Variants in MTA1 observed in about 807,000 individuals in gnomAD.
The protein encoded by MTA1 is metastasis associated 1.
MTA1 carries 15 observed loss-of-function variants against 97.0 expected under a neutral mutation model. The observed-to-expected ratio is 0.15, with a 90% confidence interval of 0.10 to 0.24. MTA1 has a LOEUF of 0.24. Ranked by LOEUF, MTA1 falls within the 10% of genes least tolerant of loss-of-function variation. MTA1 has a pLI of 1.00. For synonymous variants in MTA1, 435 were observed against 417.5 expected, an observed-to-expected ratio of 1.04 and a Z score of -0.51; for missense variants, 709 against 1,015.1, an observed-to-expected ratio of 0.70 and a Z score of 4.10.
chr14:105,465,293 GCC>G, intron 16 of MTA1, 110 bp downstream of exon 16: 1 of 942,158 alleles, frequency 1.1e-6, no homozygotes, highest in Non-Finnish European at 1.5e-6. Flanking sequence ...CTCCTGGACA[GCC>G]CCCCAGGGCC....
chr14:105,467,180 G>A, intron 18 of MTA1: 2 of 360,772 alleles, frequency 5.5e-6, no homozygotes, highest in East Asian at 7.6e-5. Flanking sequence ...ACACATGGGT[G>A]CCTTCTGTCG....
At chr14:105,469,637 A>T (rs1595437571) in intron 19 of MTA1, 139 bp downstream of exon 19, 1 of 1,221,880 alleles carries the variant, frequency 8.2e-7, no homozygotes, top group East Asian at 2.5e-5. Context: ...GGGCTGCAGC[A>T]TGTGGGGGCC....
At chr14:105,423,284 A>G (rs1595246550) in intron 1 of MTA1, among the ~76,000 whole-genome samples, 1 of 133,538 alleles carries the variant, frequency 7.5e-6, no homozygotes, top group Non-Finnish European at 1.5e-5. Context: ...CAGAGGCGCG[A>G]TTTCGGCTCA....
rs587635485 is a variant in MTA1, at chr14:105,419,883, TCGGCGGCGG to T, written c.-133_-125del. 112 of 182,678 alleles carry T rather than the reference TCGGCGGCGG, an allele frequency of 6.1e-4. No homozygotes were observed. Among genetic ancestry groups the T allele is most frequent in the Admixed American group, 1.4e-3 (20 of 14,026 alleles). 11.3% of individuals were successfully genotyped at this position (182,678 alleles called of 1,614,324 possible). Reference sequence around the variant, plus strand: ...CCGTCCCTGCGCGGCCTCGGCGGCCTCGGCGGCGGCGGCGGCGGCGGCGGCGGCAGCAGC... The same window carrying T: ...CCGTCCCTGCGCGGCCTCGGCGGCCTCGGCGGCGGCGGCGGCGGCAGCAGC... On this transcript the variant is annotated 5_prime_UTR_variant, in exon 1 of 21. Coordinates refer to ENST00000331320, the MANE Select transcript of MTA1 (RefSeq NM_004689.4).
chr14:105,454,534 T>C (rs10131380), intron 7 of MTA1: 467,293 of 480,606 alleles, frequency 0.97, 228,391 homozygotes, highest in East Asian at 1. Context: ...TGGGGAAGCC[T>C]CAGACCCTCA....
chr14:105,442,917 T>C (rs782197279), intron 2 of MTA1, among the ~76,000 whole-genome samples: 1 of 152,138 alleles, frequency 6.6e-6, no homozygotes, highest in Non-Finnish European at 1.5e-5. Context: ...TGTGTGGCAA[T>C]GGGAGGCCTG....
At position 105,464,682 on chromosome 14, in the gene MTA1, C is replaced by A. The variant is rs773319840; in HGVS notation, c.1353C>A (p.His451Gln). 1 of 1,603,120 alleles carries A rather than the reference C, an allele frequency of 6.2e-7. No homozygotes were observed. Among genetic ancestry groups the A allele is most frequent in the Admixed American group, 1.7e-5 (1 of 59,516 alleles). The change falls in exon 15 of 21, where the codon CAC (histidine) becomes CAA (glutamine). Residue 451 changes from histidine to glutamine, a missense_variant. Physicochemically the swap from His to Gln is conservative, Grantham distance 24. Transcript: ENST00000331320. Reference protein sequence around the residue: ...PGPNRSNMSPHGLPARSSGSP... With the variant: ...PGPNRSNMSPQGLPARSSGSP... ...TGCGCCCCCTTCCGCAGAGTCCCCA[C>A]GGCCTCCCAGCCCGGAGCAGCGGGA... is the stretch of plus-strand genomic sequence containing the variant.
chr14:105,457,077 C>T (rs931532700), intron 7 of MTA1, among the ~76,000 whole-genome samples: 6 of 152,232 alleles, frequency 3.9e-5, no homozygotes, highest in African/African-American at 1.2e-4. Context: ...TGGAGGGCAG[C>T]CCCGCACTCC....
chr14:105,457,626 C>T (rs1477859475), intron 7 of MTA1, among the ~76,000 whole-genome samples: 7 of 152,226 alleles, frequency 4.6e-5, no homozygotes, highest in African/African-American at 1.4e-4. Flanking sequence ...ACCCAAGTAT[C>T]TCAAAATAAA....
At chr14:105,466,318 GCTTA>G in intron 16 of MTA1, 104 bp from the exon 17 acceptor site, 2 of 1,030,202 alleles carry the variant, frequency 1.9e-6, no homozygotes, top group Admixed American at 4.3e-5. Context: ...GCCGCATGGG[GCTTA>G]GTTCCTGGGG....
At chr14:105,468,218 C>A in intron 18 of MTA1, 1 of 1,080,844 alleles carries the variant, frequency 9.3e-7, no homozygotes, top group East Asian at 5.9e-5. Flanking sequence ...CGCTCTAACC[C>A]GGCCATTTGC....
At chr14:105,441,528 C>T (rs1555425653) in intron 2 of MTA1, among the ~76,000 whole-genome samples, 1 of 152,218 alleles carries the variant, frequency 6.6e-6, no homozygotes, top group Non-Finnish European at 1.5e-5. Context: ...GACGCAGGGG[C>T]TCACGCCTGG....
chr14:105,442,804 G>C (rs974003726), intron 2 of MTA1, among the ~76,000 whole-genome samples: 24 of 142,730 alleles, frequency 1.7e-4, no homozygotes, highest in African/African-American at 2.7e-4. Flanking sequence ...CAACACAACA[G>C]AACAGACCCC....
chr14:105,437,598 C>A (rs782435044), intron 1 of MTA1, among the ~76,000 whole-genome samples: 1 of 152,240 alleles, frequency 6.6e-6, no homozygotes, highest in Non-Finnish European at 1.5e-5. Flanking sequence ...AGGGTCCTCG[C>A]GGCACGGGTT....
At chr14:105,461,890 G>T (rs1283754777) in intron 10 of MTA1, among the ~76,000 whole-genome samples, 1 of 152,228 alleles carries the variant, frequency 6.6e-6, no homozygotes, top group East Asian at 1.9e-4. Context: ...GGCGGATACG[G>T]ATCTCTCCAG....
Position 105,463,014 on chromosome 14 carries a change from C to T in MTA1, c.943-170C>T, listed in dbSNP as rs1293656089. On this transcript the variant is annotated intron_variant, in intron 10 of 20. Coordinates refer to ENST00000331320, the MANE Select transcript of MTA1 (RefSeq NM_004689.4). This position sits in a 1 kb window ranked among gnomAD's most constrained non-coding sequence, Gnocchi z 5.9. ...GCGGGGGGACCTGCTTCATCAGCTG[C>T]CCTCTGCACCTGCCTGCCAGCAGGG... is the stretch of plus-strand genomic sequence containing the variant. Among the ~76,000 whole-genome samples, 1 of 152,162 alleles carries T rather than the reference C, an allele frequency of 6.6e-6. No homozygotes were observed. The highest frequency in any genetic ancestry group is 1.5e-5 in the Non-Finnish European group (1 of 68,022).
At position 105,420,990 on chromosome 14, in the gene MTA1, G is replaced by A. The variant is rs2081814482; in HGVS notation, c.28+927G>A. On this transcript the variant is annotated intron_variant, in intron 1 of 20. Coordinates refer to ENST00000331320, the MANE Select transcript of MTA1 (RefSeq NM_004689.4). This position sits in a 1 kb window ranked among gnomAD's most constrained non-coding sequence, Gnocchi z 5.3. ...GCTGGAGGGAGCTGGGGTCACTCCC[G>A]CTCTGGCTTGATCCCCATGCCCCTG... 6.6e-6 allele frequency among the ~76,000 whole-genome samples: 1 copy of A among 152,172 alleles called. No homozygotes were observed. Among genetic ancestry groups the A allele is most frequent in the Non-Finnish European group, 1.5e-5 (1 of 68,022 alleles).
chr14:105,435,371 A>G (rs1595296632), intron 1 of MTA1, among the ~76,000 whole-genome samples: 1 of 152,304 alleles, frequency 6.6e-6, no homozygotes, highest in East Asian at 1.9e-4. Context: ...CTGCAGCCCC[A>G]AACTCCTGGG....
chr14:105,428,990 C>A (rs1206272873), intron 1 of MTA1, among the ~76,000 whole-genome samples: 1 of 152,192 alleles, frequency 6.6e-6, no homozygotes, highest in African/African-American at 2.4e-5. Flanking sequence ...TCCCAAAATG[C>A]TGGGATTACA....
Sources: gnomAD v4.1 joint callset for allele counts (sites outside exome capture counted in the v4.1 genomes callset) on GRCh38, gnomAD v4.1.1 for gene constraint, Gnocchi (gnomAD v3.1) non-coding constraint, MANE v1.5 for transcripts, NCBI Gene and HGNC (gene_info 2026-07-23, HGNC 2026-07-21) for gene names.